Variants in DDX19B observed in about 807,000 individuals in gnomAD.
DDX19B encodes the protein DEAD-box helicase 19B.
DDX19B carries 27 observed loss-of-function variants against 58.1 expected under a neutral mutation model. The ratio of observed to expected loss-of-function variants is 0.46; its 90% CI spans 0.34 to 0.64. DDX19B has a LOEUF of 0.64. Among genes scored for constraint, DDX19B ranks in the 30% least tolerant of loss-of-function variants. The pLI is 0.01. For missense variants in DDX19B, 399 were observed against 596.5 expected, an observed-to-expected ratio of 0.67 and a Z score of 3.45; for synonymous variants, 187 against 214.4, an observed-to-expected ratio of 0.87 and a Z score of 1.12.
At chr16:70,315,083 G>A in intron 3 of DDX19B, 128 bp downstream of exon 3, 1 of 974,058 alleles carries the variant, frequency 1.0e-6, no homozygotes, top group East Asian at 3.1e-5. Flanking sequence ...TAGCATAAAG[G>A]TTCAATATAG....
chr16:70,329,059 C>CA (rs58066345), intron 7 of DDX19B, among the ~76,000 whole-genome samples: 2,285 of 128,098 alleles, frequency 0.018, 38 homozygotes, highest in African/African-American at 0.05. Context: ...ACTAAAAATA[C>CA]AAAAAAAAAA....
At chr16:70,330,987 G>A (rs1963452991) in intron 9 of DDX19B, among the ~76,000 whole-genome samples, 1 of 152,176 alleles carries the variant, frequency 6.6e-6, no homozygotes, top group Non-Finnish European at 1.5e-5. Flanking sequence ...TGAGACTGCA[G>A]TGAGCTGTGA....
upstream of DDX19B, among the ~76,000 whole-genome samples, chr16:70,292,183 G>A (rs368800188): frequency 5.1e-4 from 77 of 152,048 alleles, no homozygotes; most frequent in South Asian, 8.9e-3. Context: ...TTTTGAGGCA[G>A]AGTTTCACTC....
intron 5 of DDX19B, among the ~76,000 whole-genome samples, chr16:70,323,058 G>A (rs1055569961): frequency 3.9e-5 from 6 of 151,948 alleles, no homozygotes; most frequent in Admixed American, 6.6e-5. Flanking sequence ...CATTTTCCTC[G>A]TCCATATCTT....
chr16:70,332,025 G>A, intron 10 of DDX19B, 141 bp downstream of exon 10: 6 of 1,302,498 alleles, frequency 4.6e-6, no homozygotes, highest in Non-Finnish European at 6.1e-6. Flanking sequence ...TTCTAGGAGA[G>A]ACTGTTTGGA....
intron 5 of DDX19B, chr16:70,319,455 G>C (rs1488352140): frequency 6.6e-6 from 1 of 152,124 alleles, no homozygotes; most frequent in Non-Finnish European, 1.5e-5. Flanking sequence ...TGCTGATGCT[G>C]CTGGTTTCAG....
intron 1 of DDX19B, among the ~76,000 whole-genome samples, chr16:70,302,281 A>G (rs1233800570): frequency 1.3e-5 from 2 of 152,182 alleles, no homozygotes; most frequent in African/African-American, 4.8e-5. Context: ...GAGTAAAATT[A>G]AACTTTGTTA....
At chr16:70,304,760 T>TC (rs780729495) in intron 1 of DDX19B, among the ~76,000 whole-genome samples, 2 of 152,066 alleles carry the variant, frequency 1.3e-5, no homozygotes, top group Admixed American at 6.6e-5. Context: ...TCTCTTTTTT[T>TC]TTTCTTTCTT....
chr16:70,320,717 C>T (rs1021372545), intron 5 of DDX19B, among the ~76,000 whole-genome samples: 1 of 151,650 alleles, frequency 6.6e-6, no homozygotes, highest in African/African-American at 2.4e-5. Flanking sequence ...CCATGCCCAG[C>T]TAATTTTTTT....
Position 70,331,900 on chromosome 16 carries a change from G to A in DDX19B, c.1186+16G>A. The A allele has an allele frequency of 1.9e-6, 3 of 1,609,360 alleles. No individual in the cohort carries two copies. The highest frequency in any genetic ancestry group is 1.3e-5 in the African/African-American group (1 of 74,824). On this transcript the variant is annotated intron_variant, in intron 10 of 11. Transcript: ENST00000288071. ...TGTGCCCGCGGTGAGCAGAGGACGT[G>A]TCCCACCTGGTCTGCCAGGCTTGGG...
rs555424091 is a variant in DDX19B, at chr16:70,311,473, A to G, written c.58-1136A>G. ...AAAATAGAAATATGCTACTCTGGGC[A>G]CATTTCCTGTGGGGTAGCCCTGCTC... is the stretch of plus-strand genomic sequence containing the variant. On this transcript the variant is annotated intron_variant, in intron 1 of 11. Transcript: ENST00000288071. Among the ~76,000 whole-genome samples, 12 of 152,344 alleles carry G rather than the reference A, an allele frequency of 7.9e-5. No individual in the cohort carries two copies. In the East Asian group the frequency reaches 1.4e-3, roughly 17 times the overall value.
chr16:70,301,694 CTCT>C (rs1961493925), intron 1 of DDX19B, among the ~76,000 whole-genome samples: 1 of 148,548 alleles, frequency 6.7e-6, no homozygotes, highest in African/African-American at 2.5e-5. Context: ...TTCTCTCTCT[CTCT>C]TTTTTTTTTT....
At chr16:70,297,547 T>C (rs1187674826), upstream of DDX19B, among the ~76,000 whole-genome samples, 2 of 152,160 alleles carry the variant, frequency 1.3e-5, no homozygotes, top group Admixed American at 1.3e-4. Context: ...TTGTATAATA[T>C]TGGCAAAATG....
At chr16:70,317,666 A>C (rs1226595132) in intron 5 of DDX19B, 78 bp downstream of exon 5, 1 of 1,361,148 alleles carries the variant, frequency 7.3e-7, no homozygotes, top group Admixed American at 1.9e-5. Context: ...CAGGCCAGCA[A>C]GGTGGCTTAT....
intron 1 of DDX19B, among the ~76,000 whole-genome samples, chr16:70,310,379 CA>C (rs148902286): frequency 0.076 from 9,015 of 117,970 alleles, 293 homozygotes; most frequent in Non-Finnish European, 0.089. Flanking sequence ...GACTCCGCCT[CA>C]AAAAAAAAAA....
At chr16:70,289,934 A>C (rs1961014426), upstream of DDX19B, 2 of 347,520 alleles carry the variant, frequency 5.8e-6, no homozygotes, top group African/African-American at 4.3e-5. Context: ...AAAGAGTCTG[A>C]CATTGTGCCC....
chr16:70,308,198 C>G (rs1389539488), intron 1 of DDX19B, among the ~76,000 whole-genome samples: 1 of 151,968 alleles, frequency 6.6e-6, no homozygotes, highest in Non-Finnish European at 1.5e-5. Context: ...GGTGATCCAC[C>G]TGCCTCGGCC....
At chr16:70,306,994 G>C (rs1463106273) in intron 1 of DDX19B, among the ~76,000 whole-genome samples, 2 of 152,170 alleles carry the variant, frequency 1.3e-5, no homozygotes, top group Non-Finnish European at 1.5e-5. Context: ...TTTGTGACTG[G>C]CTCCTTTTAT....
In DDX19B at chr16:70,317,478, C is replaced by T; in HGVS notation, c.297-18C>T. Reference sequence around the variant, plus strand: ...CAACCAAAGAGACTGTGACTTTCATCTTTAACTGTTTTTCTAGGAAACCAC... The same window carrying T: ...CAACCAAAGAGACTGTGACTTTCATTTTTAACTGTTTTTCTAGGAAACCAC... On this transcript the variant is annotated intron_variant, in intron 4 of 11. Coordinates refer to ENST00000288071, the MANE Select transcript of DDX19B (RefSeq NM_007242.7). The T allele has an allele frequency of 6.3e-7, 1 of 1,598,672 alleles. No individual in the cohort carries two copies. The highest frequency in any genetic ancestry group is 1.1e-5 in the South Asian group (1 of 90,120).
Sources: allele counts gnomAD v4.1 joint callset (sites outside exome capture counted in the v4.1 genomes callset), GRCh38; gene constraint gnomAD v4.1.1; transcripts MANE v1.5; gene names NCBI Gene and HGNC (gene_info 2026-07-23, HGNC 2026-07-21).